Variants in RBM20 observed in about 807,000 individuals in gnomAD.
RBM20 encodes RNA-binding protein 20.
Under a neutral mutation model 110.1 loss-of-function variants are expected in RBM20, and 51 were observed. That is an observed-to-expected ratio of 0.46 (90% CI 0.37 to 0.59). The LOEUF (loss-of-function observed/expected upper bound fraction) is 0.59, where lower values mean the gene tolerates loss of function less well. Ranked by LOEUF, RBM20 falls within the 20% of genes least tolerant of loss-of-function variation. The pLI is 0.00. For missense variants in RBM20, 1,512 were observed against 1,574.9 expected, an observed-to-expected ratio of 0.96 and a Z score of 0.68; for synonymous variants, 589 against 618.2, an observed-to-expected ratio of 0.95 and a Z score of 0.70.
At chr10:110,788,359 C>T (rs1007500085) in intron 5 of RBM20, among the ~76,000 whole-genome samples, 1 of 152,206 alleles carries the variant, frequency 6.6e-6, no homozygotes, top group African/African-American at 2.4e-5. Flanking sequence ...ACCCTGACAG[C>T]ATCTGCCAAG....
intron 1 of RBM20, among the ~76,000 whole-genome samples, chr10:110,749,168 C>T (rs1253310112): frequency 6.6e-6 from 1 of 152,150 alleles, no homozygotes; most frequent in Non-Finnish European, 1.5e-5. Context: ...CTAGCCAATG[C>T]AGTAAGACAA....
chr10:110,704,950 T>C (rs1384827546), intron 1 of RBM20, among the ~76,000 whole-genome samples: 2 of 152,252 alleles, frequency 1.3e-5, no homozygotes, highest in Non-Finnish European at 2.9e-5. Flanking sequence ...GAATATTATA[T>C]GTTTTTGGTT....
In RBM20 at chr10:110,667,313, C is replaced by T. The variant is rs369631016; in HGVS notation, c.191+22668C>T. Among the ~76,000 whole-genome samples, 10 of 152,348 alleles carry T rather than the reference C, an allele frequency of 6.6e-5. No homozygotes were observed. In the South Asian group the frequency reaches 1.5e-3, roughly 22 times the overall value. On this transcript the variant is annotated intron_variant, in intron 1 of 13. Coordinates refer to ENST00000369519, the MANE Select transcript of RBM20 (RefSeq NM_001134363.3). ...CCCCCACTGAACCCCATGATATTCT[C>T]CAGCACTTTCTTGGGGACCTTGGGC...
chr10:110,713,092 G>C (rs892616305), intron 1 of RBM20, among the ~76,000 whole-genome samples: 3 of 152,142 alleles, frequency 2.0e-5, no homozygotes, highest in Non-Finnish European at 4.4e-5. Context: ...TATTCTCCCT[G>C]CTCTTTAGGG....
At chr10:110,757,703 T>C (rs1843938825) in intron 1 of RBM20, among the ~76,000 whole-genome samples, 1 of 152,196 alleles carries the variant, frequency 6.6e-6, no homozygotes, top group Non-Finnish European at 1.5e-5. Flanking sequence ...GGGCATTGAC[T>C]GTTGGGGAAT....
intron 1 of RBM20, among the ~76,000 whole-genome samples, chr10:110,771,402 T>C (rs1208730367): frequency 6.6e-6 from 1 of 152,212 alleles, no homozygotes; most frequent in African/African-American, 2.4e-5. Flanking sequence ...GTGCTGGGAT[T>C]ACAGGCGTTA....
intron 1 of RBM20, among the ~76,000 whole-genome samples, chr10:110,691,919 A>G (rs1590620399): frequency 6.6e-6 from 1 of 152,192 alleles, no homozygotes; most frequent in Admixed American, 6.5e-5. Flanking sequence ...GTAGTTTATA[A>G]TCTCAAGTTC....
At chr10:110,682,969 CTTGT>C (rs1862444622) in intron 1 of RBM20, among the ~76,000 whole-genome samples, 1 of 152,070 alleles carries the variant, frequency 6.6e-6, no homozygotes, top group Non-Finnish European at 1.5e-5. Context: ...TTCTTCCTCG[CTTGT>C]TTATTTATCA....
intron 1 of RBM20, among the ~76,000 whole-genome samples, chr10:110,661,678 T>C (rs1490207333): frequency 6.6e-6 from 1 of 152,098 alleles, no homozygotes; most frequent in Non-Finnish European, 1.5e-5. Context: ...TATGTATTCA[T>C]ATTTGCTTCA....
intron 1 of RBM20, among the ~76,000 whole-genome samples, chr10:110,704,964 G>C (rs1293807176): frequency 6.6e-6 from 1 of 152,194 alleles, no homozygotes; most frequent in Admixed American, 6.5e-5. Flanking sequence ...TTTGGTTAAA[G>C]GTAAGGATTA....
At chr10:110,796,810 G>C (rs1423660132) in intron 5 of RBM20, among the ~76,000 whole-genome samples, 3 of 152,132 alleles carry the variant, frequency 2.0e-5, no homozygotes, top group Non-Finnish European at 4.4e-5. Context: ...TGGCTATGTA[G>C]TTTTCAATTT....
At chr10:110,770,373 C>T (rs574617777) in intron 1 of RBM20, among the ~76,000 whole-genome samples, 1 of 152,292 alleles carries the variant, frequency 6.6e-6, no homozygotes, top group Admixed American at 6.5e-5. Context: ...AGAAAACACC[C>T]ACCATCCTAA....
intron 1 of RBM20, among the ~76,000 whole-genome samples, chr10:110,688,303 A>G (rs772303576): frequency 1.3e-5 from 2 of 152,178 alleles, no homozygotes; most frequent in African/African-American, 4.8e-5. Flanking sequence ...TTAATCTCAC[A>G]TAGTGTGACT....
chr10:110,830,646 A>G (rs1385634661), intron 12 of RBM20, among the ~76,000 whole-genome samples: 1 of 152,148 alleles, frequency 6.6e-6, no homozygotes, highest in Non-Finnish European at 1.5e-5. Flanking sequence ...AAAACGAGAG[A>G]ATTCTTCGAG....
rs1293542778 is a variant in RBM20 at position 110,781,203 on chromosome 10, T to C, written c.594T>C (p.Pro198=). The change falls in exon 2 of 14, where the codon CCT becomes CCC. Residue 198 remains proline, a synonymous_variant. Transcript: ENST00000369519. Reference sequence around the variant, plus strand: ...CACCCAGTGCCATGGTGATGCATCCTTTCACTGGGGTAATGCCTCAGACCC... The same window carrying C: ...CACCCAGTGCCATGGTGATGCATCCCTTCACTGGGGTAATGCCTCAGACCC... ...NQPPSAMVMH[P]FTGVMPQTPG... is the part of the protein sequence containing the mutation. 3.9e-6 allele frequency: 6 copies of C among 1,551,678 alleles called. No homozygotes were observed. In the East Asian group the frequency reaches 1.2e-4, roughly 32 times the overall value.
At chr10:110,717,563 G>A (rs762265025) in intron 1 of RBM20, among the ~76,000 whole-genome samples, 1 of 152,202 alleles carries the variant, frequency 6.6e-6, no homozygotes, top group Non-Finnish European at 1.5e-5. Flanking sequence ...GGTGGAGAGA[G>A]TGTGGGCTTT....
At chr10:110,778,591 G>C (rs188896631) in intron 1 of RBM20, among the ~76,000 whole-genome samples, 1 of 152,232 alleles carries the variant, frequency 6.6e-6, no homozygotes, top group Non-Finnish European at 1.5e-5. Context: ...GCCTAAGCAT[G>C]CTTATTGTAC....
chr10:110,679,998 A>T (rs1862399295), intron 1 of RBM20, among the ~76,000 whole-genome samples: 1 of 152,170 alleles, frequency 6.6e-6, no homozygotes, highest in Admixed American at 6.5e-5. Flanking sequence ...CTCTTCTCAT[A>T]TTTTGAGATA....
intron 6 of RBM20, 85 bp downstream of exon 6, chr10:110,797,733 A>G (rs1844570354): frequency 7.2e-7 from 1 of 1,394,592 alleles, no homozygotes; most frequent in Non-Finnish European, 9.8e-7. Flanking sequence ...GAAAGAAGCC[A>G]TTCTTAACAT....
Sources: allele counts gnomAD v4.1 joint callset (sites outside exome capture counted in the v4.1 genomes callset), GRCh38; gene constraint gnomAD v4.1.1; transcripts MANE v1.5; gene names NCBI Gene and HGNC (gene_info 2026-07-23, HGNC 2026-07-21).